TANC2: variants seen among roughly 807,000 people sequenced by gnomAD.
The protein encoded by TANC2 is tetratricopeptide repeat, ankyrin repeat and coiled-coil containing 2.
TANC2 carries 26 observed loss-of-function variants against 210.5 expected under a neutral mutation model. The ratio of observed to expected loss-of-function variants is 0.12; its 90% CI spans 0.09 to 0.17. The LOEUF is 0.17. Among genes scored for constraint, TANC2 ranks in the 10% least tolerant of loss-of-function variants. TANC2 has a pLI of 1.00. For synonymous variants in TANC2, 931 were observed against 967.1 expected (o/e 0.96, Z 0.69); for missense variants, 2,129 against 2,608.9 (o/e 0.82, Z 4.01).
intron 14 of TANC2, among the ~76,000 whole-genome samples, chr17:63,358,374 A>T (rs1158378806): frequency 0.012 from 1,147 of 94,716 alleles, 14 homozygotes; most frequent in African/African-American, 0.044. Flanking sequence ...AGAGAGAGAG[A>T]GAGTATGTGT....
At chr17:63,142,352 C>T (rs1470249969) in intron 4 of TANC2, among the ~76,000 whole-genome samples, 1 of 152,010 alleles carries the variant, frequency 6.6e-6, no homozygotes, top group East Asian at 1.9e-4. Flanking sequence ...TGTGAATTTG[C>T]CCATTTCATC....
chr17:62,977,380 A>G (rs2032066929), intron 1 of TANC2, among the ~76,000 whole-genome samples: 1 of 152,222 alleles, frequency 6.6e-6, no homozygotes, highest in Non-Finnish European at 1.5e-5. Context: ...AAACTAAAGA[A>G]TAGTTCATCC....
At chr17:63,049,175 A>G (rs79064407) in intron 2 of TANC2, among the ~76,000 whole-genome samples, 4,501 of 152,232 alleles carry the variant, frequency 0.03, 82 homozygotes, top group South Asian at 0.037. Context: ...AGTACCTTCT[A>G]TGTGTCAGAT....
At chr17:63,226,286 C>T (rs1279994686) in intron 7 of TANC2, among the ~76,000 whole-genome samples, 2 of 152,110 alleles carry the variant, frequency 1.3e-5, no homozygotes, top group Non-Finnish European at 2.9e-5. Flanking sequence ...GTAATCTTTC[C>T]AAAATGTAAG....
At chr17:63,398,962 A>G in intron 19 of TANC2, 48 bp downstream of exon 19, 4 of 1,378,454 alleles carry the variant, frequency 2.9e-6, no homozygotes, top group Non-Finnish European at 4.0e-6. Context: ...GTTTGTGTGG[A>G]CTCTCGAATC....
Position 63,412,599 on chromosome 17 carries a change from T to G in TANC2, c.3899-81T>G. 9.1e-5 allele frequency: 121 copies of G among 1,329,948 alleles called. No homozygotes were observed. The highest frequency in any genetic ancestry group is 1.1e-4 in the Non-Finnish European group (109 of 963,980). The allele number at this position is 1,329,948 out of a possible 1,614,324, so 82.4% of individuals were successfully genotyped here. On this transcript the variant is annotated intron_variant, in intron 23 of 27. Transcript: ENST00000689528. The surrounding 1 kb of genome is among the most constrained non-coding windows in gnomAD (Gnocchi z 4.2). Reference sequence around the variant, plus strand: ...GTGCTGCCTGCCTCTCACTGCTGCTTTTTCCTTCTTTTTTTTTTTTTCACC... The same window carrying G: ...GTGCTGCCTGCCTCTCACTGCTGCTGTTTCCTTCTTTTTTTTTTTTTCACC...
chr17:63,073,881 C>A, intron 2 of TANC2, 62 bp from the exon 3 acceptor site: 1 of 1,321,164 alleles, frequency 7.6e-7, no homozygotes, highest in Non-Finnish European at 1.1e-6. Flanking sequence ...TAGATAATGT[C>A]AGAGACACTG....
chr17:63,185,566 A>G (rs556231122), intron 5 of TANC2, among the ~76,000 whole-genome samples: 5 of 152,306 alleles, frequency 3.3e-5, no homozygotes, highest in Admixed American at 3.3e-4. Context: ...GAAACCATAC[A>G]TTTTTTAAAT....
At chr17:63,413,466 G>T in intron 24 of TANC2, 77 bp from the exon 25 acceptor site, 3 of 1,144,848 alleles carry the variant, frequency 2.6e-6, no homozygotes, top group Admixed American at 4.7e-5. Flanking sequence ...TTCCCCTAGG[G>T]TATTTTTTTC....
intron 14 of TANC2, among the ~76,000 whole-genome samples, chr17:63,364,241 A>C (rs753669639): frequency 2.0e-5 from 3 of 152,220 alleles, no homozygotes; most frequent in Non-Finnish European, 4.4e-5. Context: ...TAGCTTTACA[A>C]GTTTGTTTTG....
intron 7 of TANC2, among the ~76,000 whole-genome samples, chr17:63,226,359 A>G (rs1029350208): frequency 3.9e-5 from 6 of 152,160 alleles, no homozygotes; most frequent in African/African-American, 1.2e-4. Flanking sequence ...AGAAACCGGG[A>G]TAAAATCTAA....
chr17:63,098,457 CACACACACACACACACACACACA>C (rs1567720757), intron 3 of TANC2, among the ~76,000 whole-genome samples: 43 of 109,146 alleles, frequency 3.9e-4, no homozygotes, highest in African/African-American at 1.6e-3. Flanking sequence ...CACACACACA[CACACACACACACACACACACACA>C]TACACTCTCT....
chr17:63,103,081 C>T (rs963035936), intron 4 of TANC2, among the ~76,000 whole-genome samples: 2 of 152,078 alleles, frequency 1.3e-5, no homozygotes, highest in African/African-American at 4.8e-5. Flanking sequence ...AACCAGTCCC[C>T]CATGGATACT....
chr17:63,319,208 T>A (rs2045416428), intron 11 of TANC2, 118 bp downstream of exon 11: 1 of 1,034,122 alleles, frequency 9.7e-7, no homozygotes, highest in South Asian at 1.7e-5. Context: ...CATGAGAACG[T>A]GGAGGAAAGT....
intron 4 of TANC2, among the ~76,000 whole-genome samples, chr17:63,112,850 A>G (rs1315613414): frequency 6.6e-6 from 1 of 152,218 alleles, no homozygotes; most frequent in East Asian, 1.9e-4. Context: ...AGTTTTAAAC[A>G]TGGAAAATAC....
intron 1 of TANC2, among the ~76,000 whole-genome samples, chr17:62,998,202 T>C (rs186447021): frequency 1.3e-5 from 2 of 152,050 alleles, no homozygotes; most frequent in African/African-American, 4.8e-5. Context: ...CTGAAATAAC[T>C]CAGACAAAAA....
intron 2 of TANC2, among the ~76,000 whole-genome samples, chr17:63,054,703 T>A (rs2035707434): frequency 6.6e-6 from 1 of 152,162 alleles, no homozygotes; most frequent in South Asian, 2.1e-4. Context: ...TAGTTTATGT[T>A]CCTGCTCCTT....
intron 1 of TANC2, among the ~76,000 whole-genome samples, chr17:62,990,944 C>G (rs1457415525): frequency 6.6e-6 from 1 of 151,986 alleles, no homozygotes; most frequent in Non-Finnish European, 1.5e-5. Context: ...AGGGAACTGA[C>G]TAAAAAAGCA....
intron 4 of TANC2, among the ~76,000 whole-genome samples, chr17:63,105,240 A>G (rs879413813): frequency 1.4e-4 from 22 of 151,744 alleles, no homozygotes; most frequent in Non-Finnish European, 2.4e-4. Flanking sequence ...TTTGTTGCCA[A>G]TAAATTGGAA....
Sources: allele counts gnomAD v4.1 joint callset (sites outside exome capture counted in the v4.1 genomes callset), GRCh38; gene constraint gnomAD v4.1.1; non-coding constraint Gnocchi (gnomAD v3.1); transcripts MANE v1.5; gene names NCBI Gene and HGNC (gene_info 2026-07-23, HGNC 2026-07-21).